NXPE2: variants seen among roughly 807,000 people sequenced by gnomAD.
The protein encoded by NXPE2 is neurexophilin and PC-esterase domain family member 2.
In NXPE2, 34 loss-of-function variants were observed where a neutral mutation model predicts 34.4. That is an observed-to-expected ratio of 0.99 (90% confidence interval 0.75 to 1.31). The LOEUF (loss-of-function observed/expected upper bound fraction) is 1.31. Among genes scored for constraint, NXPE2 ranks in the 40% most tolerant of loss-of-function variants. The pLI, the probability that NXPE2 is intolerant of heterozygous loss-of-function variation, is 0.00. For missense variants in NXPE2, 649 were observed against 672.5 expected, an observed-to-expected ratio of 0.97 and a Z score of 0.39; for synonymous variants, 235 against 231.3, an observed-to-expected ratio of 1.02 and a Z score of -0.15.
the NXPE2 span, among the ~76,000 whole-genome samples, chr11:114,473,728 T>C: frequency 6.6e-6 from 1 of 152,196 alleles, no homozygotes; most frequent in African/African-American, 2.4e-5. Context: ...CCTCAATATT[T>C]TGGAATCCTT....
chr11:114,675,602 A>T (rs147203076), upstream of NXPE2, among the ~76,000 whole-genome samples: 1 of 152,046 alleles, frequency 6.6e-6, no homozygotes, highest in African/African-American at 2.4e-5. Context: ...AGTAGGGAAA[A>T]GATCTCTTCA....
chr11:114,629,103 A>G, the NXPE2 span, among the ~76,000 whole-genome samples: 3 of 152,058 alleles, frequency 2.0e-5, no homozygotes, highest in Admixed American at 6.6e-5. Flanking sequence ...ACAAGGAGGA[A>G]CTGGTACCAT....
At chr11:114,561,471 C>G in the NXPE2 span, among the ~76,000 whole-genome samples, 1,033 of 152,264 alleles carry the variant, frequency 6.8e-3, 15 homozygotes, top group African/African-American at 0.022. Context: ...TTTCTAAAAC[C>G]TACTCCTCAC....
At chr11:114,694,133 C>A (rs1951205159) in intron 2 of NXPE2, among the ~76,000 whole-genome samples, 1 of 152,164 alleles carries the variant, frequency 6.6e-6, no homozygotes, top group Admixed American at 6.5e-5. Flanking sequence ...TCCTTTTCTG[C>A]CACTGTCTTC....
chr11:114,736,482 G>C, the NXPE2 span, among the ~76,000 whole-genome samples: 18 of 152,174 alleles, frequency 1.2e-4, no homozygotes, highest in African/African-American at 4.3e-4. Flanking sequence ...GTTCCACCTG[G>C]CTCACTGGCA....
the NXPE2 span, among the ~76,000 whole-genome samples, chr11:114,541,780 T>A: frequency 6.6e-6 from 1 of 152,116 alleles, no homozygotes; most frequent in Non-Finnish European, 1.5e-5. Context: ...AGATAAAAAA[T>A]CAGAGCTTAG....
Position 114,698,086 on chromosome 11 carries a change from G to GACACA in NXPE2, c.175_176insCACAA (p.Asn59ThrfsTer28), listed in dbSNP as rs770967272. 11 of 1,597,648 alleles carry GACACA rather than the reference G, an allele frequency of 6.9e-6. No homozygotes were observed. Among genetic ancestry groups the GACACA allele is most frequent in the Non-Finnish European group, 9.4e-6 (11 of 1,170,870 alleles). On this transcript the variant is annotated frameshift_variant, in exon 3 of 6. Transcript: ENST00000389586. LOFTEE classifies it high-confidence loss of function. ...AAAACCATATTATCCTGAACCAAGG[G>GACACA]AACATCTTCAAAAAATATTCACACT... is the stretch of plus-strand genomic sequence containing the variant.
the NXPE2 span, among the ~76,000 whole-genome samples, chr11:114,535,468 A>G: frequency 2.6e-5 from 4 of 152,340 alleles, no homozygotes; most frequent in East Asian, 7.7e-4. Context: ...AATTGCTCCA[A>G]TTAAAAGGCA....
chr11:114,564,904 T>C, the NXPE2 span, among the ~76,000 whole-genome samples: 1 of 152,218 alleles, frequency 6.6e-6, no homozygotes, highest in Non-Finnish European at 1.5e-5. Context: ...ATTTCTATAC[T>C]CTATAAAAGA....
Position 114,698,569 on chromosome 11 carries a change from G to A in NXPE2, c.657G>A (p.Leu219=), listed in dbSNP as rs775180279. ...GTGATAGGATCATCTTCACTGGCCT[G>A]TTTGCCAACAGAAGCTCCAATGTCT... is the stretch of plus-strand genomic sequence containing the variant. The part of the protein sequence containing the change: ...QGCDRIIFTG[L]FANRSSNVFT... The change falls in exon 3 of 6, where the codon CTG becomes CTA. Residue 219 remains leucine (L), a synonymous_variant. Transcript: ENST00000389586. 19 of 1,614,062 alleles carry A rather than the reference G, an allele frequency of 1.2e-5. No homozygotes were observed. The Admixed American group carries it at 3.2e-4, about 27-fold the overall frequency.
At chr11:114,714,935 T>C in the NXPE2 span, among the ~76,000 whole-genome samples, 1 of 152,032 alleles carries the variant, frequency 6.6e-6, no homozygotes, top group South Asian at 2.1e-4. Context: ...GGCAGAAGAA[T>C]TGCTTAACCC....
chr11:114,740,238 A>G, the NXPE2 span, among the ~76,000 whole-genome samples: 22 of 152,176 alleles, frequency 1.4e-4, no homozygotes, highest in Non-Finnish European at 2.9e-4. Context: ...CTATTTTTAG[A>G]CCATGGATGA....
chr11:114,811,546 C>T, the NXPE2 span, among the ~76,000 whole-genome samples: 16 of 152,152 alleles, frequency 1.1e-4, no homozygotes, highest in East Asian at 3.9e-4. Flanking sequence ...ATAGACGGAA[C>T]GAGGCAAACA....
chr11:114,766,672 C>T, the NXPE2 span, among the ~76,000 whole-genome samples: 1 of 151,866 alleles, frequency 6.6e-6, no homozygotes, highest in Non-Finnish European at 1.5e-5. Context: ...AGACTTTATT[C>T]AGTTCCTACC....
At chr11:114,693,945 C>A (rs1951200482) in intron 2 of NXPE2, among the ~76,000 whole-genome samples, 1 of 152,198 alleles carries the variant, frequency 6.6e-6, no homozygotes, top group African/African-American at 2.4e-5. Flanking sequence ...CAAAATGGAT[C>A]TCACTGGGCT....
At chr11:114,565,030 T>C in the NXPE2 span, among the ~76,000 whole-genome samples, 1 of 152,218 alleles carries the variant, frequency 6.6e-6, no homozygotes, top group Non-Finnish European at 1.5e-5. Context: ...TATCATTGTC[T>C]ACATTCCAGA....
chr11:114,762,916 C>A, the NXPE2 span, among the ~76,000 whole-genome samples: 1 of 152,074 alleles, frequency 6.6e-6, no homozygotes, highest in South Asian at 2.1e-4. Flanking sequence ...GAGGCCTATT[C>A]ATCGTGACTT....
At chr11:114,673,528 C>CA (rs919321991), upstream of NXPE2, among the ~76,000 whole-genome samples, 1 of 149,984 alleles carries the variant, frequency 6.7e-6, no homozygotes, top group Non-Finnish European at 1.5e-5. Flanking sequence ...TCATTGAAAC[C>CA]AAAAAAAAGT....
chr11:114,548,408 A>G, the NXPE2 span, among the ~76,000 whole-genome samples: 2 of 152,114 alleles, frequency 1.3e-5, no homozygotes, highest in African/African-American at 2.4e-5. Context: ...AATATTCTCT[A>G]TATCTTAGGT....
Sources: allele counts gnomAD v4.1 joint callset (sites outside exome capture counted in the v4.1 genomes callset), GRCh38; gene constraint gnomAD v4.1.1; transcripts MANE v1.5; gene names NCBI Gene and HGNC (gene_info 2026-07-23, HGNC 2026-07-21).